ELOVL5: variants seen among roughly 807,000 people sequenced by gnomAD.
ELOVL5 encodes the protein ELOVL fatty acid elongase 5, also known as very long chain fatty acid elongase 5.
A neutral mutation model predicts 38.6 loss-of-function variants in ELOVL5; 8 were observed. The observed-to-expected ratio is 0.21, with a 90% CI of 0.12 to 0.37. ELOVL5 has a LOEUF of 0.37. ELOVL5 is among the 10% of genes least tolerant of loss of function. The pLI, the probability that ELOVL5 is intolerant of heterozygous loss-of-function variation, is 1.00. For synonymous variants in ELOVL5, 127 were observed against 133.7 expected, an observed-to-expected ratio of 0.95 and a Z score of 0.34; for missense variants, 280 against 367.8, an observed-to-expected ratio of 0.76 and a Z score of 1.95.
chr6:53,320,576 G>A (rs547932825), intron 1 of ELOVL5, among the ~76,000 whole-genome samples: 6 of 151,878 alleles, frequency 4.0e-5, no homozygotes, highest in Admixed American at 2.0e-4. Context: ...ACCCACCTCG[G>A]CCTCCCAAAG....
chr6:53,324,434 G>A (rs1315696091), intron 1 of ELOVL5, among the ~76,000 whole-genome samples: 2 of 151,954 alleles, frequency 1.3e-5, no homozygotes, highest in East Asian at 1.9e-4. Flanking sequence ...CCAACACTTT[G>A]GGAGGCCAAG....
intron 1 of ELOVL5, among the ~76,000 whole-genome samples, chr6:53,318,391 A>C (rs1051979550): frequency 1.3e-5 from 2 of 152,246 alleles, no homozygotes; most frequent in Non-Finnish European, 2.9e-5. Flanking sequence ...TAACATGAAT[A>C]CCTAATCAGA....
At chr6:53,327,929 C>T (rs1389865874) in intron 1 of ELOVL5, among the ~76,000 whole-genome samples, 1 of 152,072 alleles carries the variant, frequency 6.6e-6, no homozygotes, top group East Asian at 1.9e-4. Context: ...TTATTTTCCC[C>T]TCAAATCTCA....
At chr6:53,335,395 T>TC (rs1769011096) in intron 1 of ELOVL5, among the ~76,000 whole-genome samples, 1 of 152,188 alleles carries the variant, frequency 6.6e-6, no homozygotes, top group African/African-American at 2.4e-5. Flanking sequence ...ATCACCCAAC[T>TC]ACCTGCCCCC....
At chr6:53,292,490 G>A (rs567546088) in intron 2 of ELOVL5, among the ~76,000 whole-genome samples, 12 of 152,326 alleles carry the variant, frequency 7.9e-5, no homozygotes, top group African/African-American at 2.9e-4. Flanking sequence ...AGAGGACAAT[G>A]ATTTAAAAAC....
chr6:53,323,822 C>T (rs974117730), intron 1 of ELOVL5, among the ~76,000 whole-genome samples: 8 of 151,948 alleles, frequency 5.3e-5, no homozygotes, highest in South Asian at 2.1e-4. Context: ...ACCATCTGAC[C>T]GACCATCGGG....
At chr6:53,321,722 T>C (rs1179073115) in intron 1 of ELOVL5, among the ~76,000 whole-genome samples, 2 of 152,354 alleles carry the variant, frequency 1.3e-5, no homozygotes, top group Admixed American at 1.3e-4. Context: ...TAAAACACTA[T>C]ACTAGTATGT....
chr6:53,305,967 C>A (rs1244124659), intron 1 of ELOVL5, among the ~76,000 whole-genome samples: 1 of 151,428 alleles, frequency 6.6e-6, no homozygotes, highest in Non-Finnish European at 1.5e-5. Context: ...CTCGGGATGC[C>A]GAGGCTGGCG....
intron 3 of ELOVL5, among the ~76,000 whole-genome samples, chr6:53,286,579 C>A (rs924996023): frequency 5.9e-5 from 9 of 151,898 alleles, no homozygotes; most frequent in African/African-American, 1.9e-4. Context: ...AAAACAACAA[C>A]AAAAAACAAT....
intron 1 of ELOVL5, among the ~76,000 whole-genome samples, chr6:53,323,135 A>G (rs549738233): frequency 9.6e-4 from 146 of 152,324 alleles, no homozygotes; most frequent in Non-Finnish European, 1.6e-3. Context: ...TTAACTGTCA[A>G]TCATATTAAG....
chr6:53,287,771 G>T, intron 3 of ELOVL5: 2 of 1,140,408 alleles, frequency 1.8e-6, no homozygotes, highest in Non-Finnish European at 2.5e-6. Context: ...AAGAAAGGCC[G>T]GAGTGCCTCC....
chr6:53,282,413 G>A (rs1174677968), intron 3 of ELOVL5, among the ~76,000 whole-genome samples: 1 of 152,254 alleles, frequency 6.6e-6, no homozygotes, highest in Non-Finnish European at 1.5e-5. Context: ...GGACAAGCCA[G>A]AAGGCTTCCT....
intron 1 of ELOVL5, among the ~76,000 whole-genome samples, chr6:53,333,551 T>C (rs1438682112): frequency 2.0e-5 from 3 of 152,142 alleles, no homozygotes; most frequent in Non-Finnish European, 2.9e-5. Flanking sequence ...TTCAGGGGCT[T>C]TGTCTTATAG....
At position 53,269,079 on chromosome 6, in the gene ELOVL5, G is replaced by A. The variant is rs764500497; in HGVS notation, c.*48C>T. 1.9e-6 allele frequency: 3 copies of A among 1,601,578 alleles called. No individual in the cohort carries two copies. Among genetic ancestry groups the A allele is most frequent in the East Asian group, 2.2e-5 (1 of 44,676 alleles). ...CGAGCATTGGGGCACAACTCATATT[G>A]TGCTTACAATCAGATGACGTGGTTT... On this transcript the variant is annotated 3_prime_UTR_variant, in exon 8 of 8. Transcript: ENST00000304434.
intron 1 of ELOVL5, among the ~76,000 whole-genome samples, chr6:53,346,666 C>G (rs1484233646): frequency 1.3e-5 from 2 of 151,938 alleles, no homozygotes; most frequent in African/African-American, 4.8e-5. Flanking sequence ...AGGTAAAACT[C>G]TCTCTTCACA....
chr6:53,286,328 G>C (rs1766569197), intron 3 of ELOVL5, among the ~76,000 whole-genome samples: 1 of 152,168 alleles, frequency 6.6e-6, no homozygotes, highest in Non-Finnish European at 1.5e-5. Flanking sequence ...TTGGGAGGCT[G>C]ATGTGGGAGG....
rs532854145 is a variant in ELOVL5 at position 53,330,676 on chromosome 6, T to C, written c.-9+18141A>G. Among the ~76,000 whole-genome samples the C allele has an allele frequency of 4.1e-4, 62 of 152,012 alleles. 1 individual carries two copies. Among genetic ancestry groups the C allele is most frequent in the South Asian group, 8.3e-4 (4 of 4,810 alleles). On this transcript the variant is annotated intron_variant, in intron 1 of 7. Transcript: ENST00000304434. ...AGCTGGGACTACAGGTGCATGCCAC[T>C]GTTCATGAGTTTTACAGACTTTTAC...
At chr6:53,273,832 C>T (rs1004357833) in intron 5 of ELOVL5, among the ~76,000 whole-genome samples, 6 of 152,204 alleles carry the variant, frequency 3.9e-5, no homozygotes, top group Non-Finnish European at 7.3e-5. Context: ...TGAGGTCATA[C>T]ATTTTTATTA....
chr6:53,279,488 T>C (rs1766275684), intron 3 of ELOVL5, among the ~76,000 whole-genome samples: 1 of 152,138 alleles, frequency 6.6e-6, no homozygotes, highest in Non-Finnish European at 1.5e-5. Context: ...TCTGTAAGAT[T>C]TCGAAGGGTG....
Sources: gnomAD v4.1 joint callset for allele counts (sites outside exome capture counted in the v4.1 genomes callset) on GRCh38, gnomAD v4.1.1 for gene constraint, MANE v1.5 for transcripts, NCBI Gene and HGNC (gene_info 2026-07-23, HGNC 2026-07-21) for gene names.